Variants in PITPNM3 observed in about 807,000 individuals in gnomAD.
PITPNM3 encodes membrane-associated phosphatidylinositol transfer protein 3.
In PITPNM3, 26 loss-of-function variants were observed where a neutral mutation model predicts 102.0. That is an observed-to-expected ratio of 0.25 (90% CI 0.19 to 0.35). The LOEUF (loss-of-function observed/expected upper bound fraction) is 0.35. Among genes scored for constraint, PITPNM3 ranks in the 10% least tolerant of loss-of-function variants. The pLI is 1.00. For synonymous variants in PITPNM3, 578 were observed against 558.6 expected (o/e 1.03, Z -0.49); for missense variants, 1,083 against 1,346.1 (o/e 0.80, Z 3.06).
rs1266413166 is a variant in PITPNM3 at position 6,457,863 on chromosome 17, G to T, written c.2491-141C>A. On this transcript the variant is annotated intron_variant, in intron 18 of 19. Transcript: ENST00000262483. This position sits in a 1 kb window ranked among gnomAD's most constrained non-coding sequence, Gnocchi z 4.7. ...ACTCCAAGCCATGGGGCCACCCTGT[G>T]TCAGGAATGAACCCTCAGAGTGGCT... is the stretch of plus-strand genomic sequence containing the variant. The T allele has an allele frequency of 8.0e-7, 1 of 1,257,610 alleles. No homozygotes were observed. The highest frequency in any genetic ancestry group is 2.6e-5 in the East Asian group (1 of 38,828). The allele number at this position is 1,257,610 out of a possible 1,614,324, so 77.9% of individuals were successfully genotyped here.
chr17:6,463,892 C>A lies in PITPNM3; in HGVS notation c.2157-11G>T. The A allele has an allele frequency of 6.2e-7, 1 of 1,613,812 alleles. No individual in the cohort carries two copies. The highest frequency in any genetic ancestry group is 8.5e-7 in the Non-Finnish European group (1 of 1,179,934). On this transcript the variant is annotated splice_polypyrimidine_tract_variant and intron_variant, in intron 16 of 19. Transcript: ENST00000262483. ...CAGGTCTGGTCGCCCCTGAAAGAAA[C>A]CTGCCTGTGGTCAGCCGTGAGGTCA...
intron 1 of PITPNM3, among the ~76,000 whole-genome samples, chr17:6,547,503 A>G (rs1483596136): frequency 6.6e-6 from 1 of 151,836 alleles, no homozygotes; most frequent in Non-Finnish European, 1.5e-5. Flanking sequence ...TCCCTCTAAA[A>G]CGAGTTCCCC....
At chr17:6,495,850 G>A (rs1447995732) in intron 4 of PITPNM3, among the ~76,000 whole-genome samples, 1 of 152,162 alleles carries the variant, frequency 6.6e-6, no homozygotes, top group East Asian at 1.9e-4. Context: ...AGGAAAGGGC[G>A]ATTCTTCCAC....
chr17:6,505,193 A>ATATATATAT (rs1198801942), intron 3 of PITPNM3, among the ~76,000 whole-genome samples: 7 of 72,316 alleles, frequency 9.7e-5, no homozygotes, highest in African/African-American at 3.1e-4. Context: ...GAAGACAAAT[A>ATATATATAT]AAATATATAT....
In PITPNM3 at chr17:6,510,136, T is replaced by G. The variant is rs917156563; in HGVS notation, c.227-6562A>C. ...GTTACATCGATTGATTTTCACATAC[T>G]GAATAACTTTGCCTTCCTGGGCTAA... On this transcript the variant is annotated intron_variant, in intron 3 of 19. Transcript: ENST00000262483. Among the ~76,000 whole-genome samples the G allele has an allele frequency of 2.6e-5, 4 of 152,238 alleles. No homozygotes were observed. In the East Asian group the frequency reaches 7.7e-4, roughly 29 times the overall value.
At chr17:6,533,842 C>G (rs534928975) in intron 2 of PITPNM3, among the ~76,000 whole-genome samples, 26 of 152,298 alleles carry the variant, frequency 1.7e-4, no homozygotes, top group African/African-American at 5.3e-4. Context: ...TTGGCTGGGG[C>G]AGGACTCGCT....
At chr17:6,519,758 A>G (rs1380695679) in intron 3 of PITPNM3, among the ~76,000 whole-genome samples, 1 of 151,940 alleles carries the variant, frequency 6.6e-6, no homozygotes, top group Non-Finnish European at 1.5e-5. Flanking sequence ...TGAACCCAGG[A>G]GGCAGAGGTT....
At chr17:6,546,914 G>A (rs1910048960) in intron 1 of PITPNM3, among the ~76,000 whole-genome samples, 1 of 152,134 alleles carries the variant, frequency 6.6e-6, no homozygotes, top group East Asian at 1.9e-4. Context: ...GCTGAGGCAG[G>A]GAGAACTGCT....
intron 1 of PITPNM3, among the ~76,000 whole-genome samples, chr17:6,547,777 C>T (rs561559947): frequency 1.1e-4 from 16 of 151,990 alleles, no homozygotes; most frequent in African/African-American, 3.9e-4. Flanking sequence ...CTCTTGTTGC[C>T]TAGGCTGGAG....
At chr17:6,490,911 G>A (rs867106939) in intron 4 of PITPNM3, among the ~76,000 whole-genome samples, 3 of 142,962 alleles carry the variant, frequency 2.1e-5, no homozygotes, top group African/African-American at 2.6e-5. Flanking sequence ...GCAGTGAGCC[G>A]AGATGGCCCC....
chr17:6,496,896 A>G (rs141547757), intron 4 of PITPNM3, among the ~76,000 whole-genome samples: 4,860 of 152,216 alleles, frequency 0.032, 152 homozygotes, highest in South Asian at 0.13. Context: ...GCACCAATGC[A>G]TTGGCATAGA....
In PITPNM3 at chr17:6,470,438, G is replaced by C; in HGVS notation, c.1625-30C>G. 6.2e-7 allele frequency: 1 copy of C among 1,613,790 alleles called. No homozygotes were observed. Among genetic ancestry groups the C allele is most frequent in the South Asian group, 1.1e-5 (1 of 91,082 alleles). On this transcript the variant is annotated intron_variant, in intron 12 of 19. Coordinates refer to ENST00000262483, the MANE Select transcript of PITPNM3 (RefSeq NM_031220.4). This position sits in a 1 kb window ranked among gnomAD's most constrained non-coding sequence, Gnocchi z 4.8. ...GGGTCGGAGAGGAAGGTGAGGATGC[G>C]TGGCCGGCCCGGGGCCTCACCCGAG... is the stretch of plus-strand genomic sequence containing the variant.
Position 6,459,296 on chromosome 17 carries a change from G to A in PITPNM3, c.2491-1574C>T, listed in dbSNP as rs547446239. ...GCAGTTCTCAGCATCCCACACCCTC[G>A]GCAAAAGGGGCGCTATCTCCTTGAA... On this transcript the variant is annotated intron_variant, in intron 18 of 19. Coordinates refer to ENST00000262483, the MANE Select transcript of PITPNM3 (RefSeq NM_031220.4). The surrounding 1 kb of genome is among the most constrained non-coding windows in gnomAD (Gnocchi z 5.0). Among the ~76,000 whole-genome samples the A allele has an allele frequency of 6.6e-6, 1 of 151,974 alleles. No homozygotes were observed. The highest frequency in any genetic ancestry group is 1.5e-5 in the Non-Finnish European group (1 of 68,004).
intron 17 of PITPNM3, among the ~76,000 whole-genome samples, chr17:6,462,349 C>T (rs1276874350): frequency 6.6e-6 from 1 of 152,212 alleles, no homozygotes; most frequent in Non-Finnish European, 1.5e-5. Context: ...CAAGTCCTCT[C>T]TCTGCCTCTG....
At chr17:6,475,042 G>A (rs987134460) in intron 9 of PITPNM3, among the ~76,000 whole-genome samples, 1 of 152,182 alleles carries the variant, frequency 6.6e-6, no homozygotes, top group Non-Finnish European at 1.5e-5. Context: ...TGCTGGCTTT[G>A]TGTTGGCCAC....
intron 4 of PITPNM3, among the ~76,000 whole-genome samples, chr17:6,485,105 C>G (rs986275331): frequency 3.9e-5 from 6 of 151,980 alleles, no homozygotes; most frequent in Non-Finnish European, 5.9e-5. Context: ...TCCATCATCA[C>G]GAAACCATGC....
chr17:6,459,786 C>T lies in PITPNM3; in HGVS notation c.2490+1587G>A, dbSNP rs983048669. ...GTAGCACCTGGATCCCTCCTGGTCA[C>T]CCAGCACGGGCATCTTAGAACTCCT... On this transcript the variant is annotated intron_variant, in intron 18 of 19. Coordinates refer to ENST00000262483, the MANE Select transcript of PITPNM3 (RefSeq NM_031220.4). The surrounding 1 kb of genome is among the most constrained non-coding windows in gnomAD (Gnocchi z 5.0). Among the ~76,000 whole-genome samples, 9 of 152,276 alleles carry T rather than the reference C, an allele frequency of 5.9e-5. No individual in the cohort carries two copies. Among genetic ancestry groups the T allele is most frequent in the Admixed American group, 5.9e-4 (9 of 15,290 alleles).
intron 1 of PITPNM3, among the ~76,000 whole-genome samples, chr17:6,540,087 C>A (rs1909652376): frequency 6.6e-6 from 1 of 152,146 alleles, no homozygotes; most frequent in African/African-American, 2.4e-5. Flanking sequence ...GGGGTCCCAG[C>A]AGGAGGTCTG....
chr17:6,500,414 C>T (rs984612639), intron 4 of PITPNM3, among the ~76,000 whole-genome samples: 6 of 152,194 alleles, frequency 3.9e-5, no homozygotes, highest in South Asian at 2.1e-4. Context: ...ACATTACCAT[C>T]GATCGTCACC....
Sources: gnomAD v4.1 joint callset for allele counts (sites outside exome capture counted in the v4.1 genomes callset) on GRCh38, gnomAD v4.1.1 for gene constraint, Gnocchi (gnomAD v3.1) non-coding constraint, MANE v1.5 for transcripts, NCBI Gene and HGNC (gene_info 2026-07-23, HGNC 2026-07-21) for gene names.